BCL2L14: variants seen among roughly 807,000 people sequenced by gnomAD.
The protein encoded by BCL2L14 is BCL2 like 14, also known as apoptosis facilitator Bcl-2-like protein 14.
BCL2L14 carries 27 observed loss-of-function variants against 35.3 expected under a neutral mutation model. The observed-to-expected ratio is 0.76, with a 90% CI of 0.56 to 1.05. The LOEUF (loss-of-function observed/expected upper bound fraction) is 1.05. BCL2L14 is among the 50% of genes least tolerant of loss of function. The pLI, the probability that BCL2L14 is intolerant of heterozygous loss-of-function variation, is 0.00. For missense variants in BCL2L14, 377 were observed against 382.6 expected, an observed-to-expected ratio of 0.99 and a Z score of 0.12; for synonymous variants, 139 against 145.9, an observed-to-expected ratio of 0.95 and a Z score of 0.34.
At chr12:12,055,766 CCTT>C (rs1948423074) in intron 2 of BCL2L14, 1 of 152,242 alleles carries the variant, frequency 6.6e-6, no homozygotes, top group South Asian at 2.1e-4. Flanking sequence ...CAGAAAAATC[CCTT>C]CTTCTGTCAT....
intron 2 of BCL2L14, among the ~76,000 whole-genome samples, chr12:12,081,206 T>C (rs1948917140): frequency 6.6e-6 from 1 of 151,872 alleles, no homozygotes; most frequent in Non-Finnish European, 1.5e-5. Flanking sequence ...CTCAGCACTG[T>C]GGGAAACCAA....
At chr12:12,075,424 TC>T (rs1948759374) in intron 1 of BCL2L14, among the ~76,000 whole-genome samples, 4 of 133,914 alleles carry the variant, frequency 3.0e-5, no homozygotes, top group African/African-American at 8.1e-5. Flanking sequence ...TTTCTTTCTT[TC>T]TTTCTTTCTT....
chr12:12,086,160 T>C (rs1395658858), intron 2 of BCL2L14, among the ~76,000 whole-genome samples: 1 of 151,812 alleles, frequency 6.6e-6, no homozygotes, highest in Non-Finnish European at 1.5e-5. Flanking sequence ...GAAAAAGAAT[T>C]TTAATAAATT....
At chr12:12,065,366 T>C (rs1000567405) in intron 2 of BCL2L14, among the ~76,000 whole-genome samples, 1 of 151,900 alleles carries the variant, frequency 6.6e-6, no homozygotes, top group African/African-American at 2.4e-5. Context: ...AGAAACCCTG[T>C]CTCTACTAAA....
intron 2 of BCL2L14, among the ~76,000 whole-genome samples, chr12:12,062,015 G>A (rs1319880497): frequency 6.6e-6 from 1 of 152,138 alleles, no homozygotes; most frequent in Non-Finnish European, 1.5e-5. Context: ...TTTTAGCCTA[G>A]CCCTCATGTC....
At chr12:12,065,730 CTG>C (rs1948586388) in intron 2 of BCL2L14, among the ~76,000 whole-genome samples, 1 of 151,980 alleles carries the variant, frequency 6.6e-6, no homozygotes. Flanking sequence ...TCTCCAGCGA[CTG>C]AGAATCTTCC....
chr12:12,093,412 C>T (rs763807053), intron 4 of BCL2L14, among the ~76,000 whole-genome samples: 2 of 152,072 alleles, frequency 1.3e-5, no homozygotes, highest in Non-Finnish European at 2.9e-5. Flanking sequence ...GTGGGAGGAT[C>T]GCTTGAGGCC....
At chr12:12,093,993 T>C (rs1418785059) in intron 4 of BCL2L14, among the ~76,000 whole-genome samples, 2 of 141,332 alleles carry the variant, frequency 1.4e-5, no homozygotes, top group African/African-American at 5.3e-5. Context: ...TGTAGTCCCA[T>C]CTACTTGGGA....
intron 4 of BCL2L14, among the ~76,000 whole-genome samples, chr12:12,094,256 C>T (rs1949261598): frequency 6.6e-6 from 1 of 152,206 alleles, no homozygotes; most frequent in Admixed American, 6.5e-5. Flanking sequence ...TGAGCCAAGA[C>T]AGTGATTCCT....
intron 2 of BCL2L14, among the ~76,000 whole-genome samples, chr12:12,084,366 T>C (rs1219976273): frequency 6.6e-6 from 1 of 152,104 alleles, no homozygotes; most frequent in Non-Finnish European, 1.5e-5. Flanking sequence ...TTCAGCTGGG[T>C]TCATTGCTGC....
At chr12:12,090,753 G>T (rs1273944609) in intron 3 of BCL2L14, 26 bp from the exon 4 acceptor site, 3 of 1,596,490 alleles carry the variant, frequency 1.9e-6, no homozygotes, top group Admixed American at 1.7e-5. Flanking sequence ...TCTCTTAAAA[G>T]AAATAACTGG....
Position 12,094,782 on chromosome 12 carries a change from A to C in BCL2L14, c.797A>C (p.Lys266Thr), listed in dbSNP as rs781127816. The C allele has an allele frequency of 6.2e-7, 1 of 1,614,198 alleles. No individual in the cohort carries two copies. Among genetic ancestry groups the C allele is most frequent in the South Asian group, 1.1e-5 (1 of 91,074 alleles). Residue 266 changes from lysine (K) to threonine (T), a missense_variant, in exon 5 of 6, where the codon AAA becomes ACA. Lys to Thr is a moderately conservative substitution (Grantham distance 78). Coordinates refer to ENST00000308721, the MANE Select transcript of BCL2L14 (RefSeq NM_138723.2). ...GACCCCAGGGGAGAATCAGAGGTCA[A>C]AGCTCAGGGCTTTAAGGCTGCCCTT... is the stretch of plus-strand genomic sequence containing the variant. ...GVDPRGESEV[K>T]AQGFKAALVI... is the part of the protein sequence containing the mutation.
intron 2 of BCL2L14, among the ~76,000 whole-genome samples, chr12:12,058,794 A>G (rs755214827): frequency 1.6e-4 from 25 of 152,308 alleles, no homozygotes; most frequent in Non-Finnish European, 2.6e-4. Context: ...ATTTGGTGCC[A>G]TGACTCAGAT....
chr12:12,098,790 A>G (rs75549489), intron 5 of BCL2L14, among the ~76,000 whole-genome samples, 160 bp from the exon 6 acceptor site: 1 of 152,282 alleles, frequency 6.6e-6, no homozygotes, highest in East Asian at 1.9e-4. Context: ...CCTTGCAGGC[A>G]TACCAAGAAT....
At chr12:12,096,780 T>G (rs988476176) in intron 5 of BCL2L14, among the ~76,000 whole-genome samples, 2 of 152,214 alleles carry the variant, frequency 1.3e-5, no homozygotes, top group Non-Finnish European at 2.9e-5. Context: ...TGTTGCTGGT[T>G]GGATTGTAAA....
chr12:12,053,206 T>C (rs1345119194), intron 2 of BCL2L14, among the ~76,000 whole-genome samples: 1 of 152,204 alleles, frequency 6.6e-6, no homozygotes, highest in East Asian at 1.9e-4. Flanking sequence ...ATTTTTATTA[T>C]TCTCATTTTA....
intron 4 of BCL2L14, among the ~76,000 whole-genome samples, chr12:12,093,921 T>C (rs942096973): frequency 6.6e-6 from 1 of 150,974 alleles, no homozygotes; most frequent in Non-Finnish European, 1.5e-5. Context: ...GTGGGCAACA[T>C]GGCGAAACTC....
chr12:12,053,457 G>A (rs183648008), intron 2 of BCL2L14, among the ~76,000 whole-genome samples: 166 of 146,124 alleles, frequency 1.1e-3, no homozygotes, highest in Non-Finnish European at 1.8e-3. Context: ...TTTCACTCTT[G>A]TTGCCCAGGC....
intron 2 of BCL2L14, among the ~76,000 whole-genome samples, chr12:12,084,176 C>A (rs11054672): frequency 0.13 from 19,605 of 152,190 alleles, 1,534 homozygotes; most frequent in East Asian, 0.26. Context: ...CCAGGCTGGT[C>A]TCGAACTCCT....
Sources: allele counts gnomAD v4.1 joint callset (sites outside exome capture counted in the v4.1 genomes callset), GRCh38; gene constraint gnomAD v4.1.1; transcripts MANE v1.5; gene names NCBI Gene and HGNC (gene_info 2026-07-23, HGNC 2026-07-21).